The following SYNE1 variants were observed in gnomAD, a reference collection of about 807,000 sequenced individuals.
SYNE1 encodes the protein nesprin-1.
Under a neutral mutation model 1,111.0 loss-of-function variants are expected in SYNE1, and 616 were observed. The ratio of observed to expected loss-of-function variants is 0.55; its 90% CI spans 0.52 to 0.59. SYNE1 has a LOEUF of 0.59. Ranked by LOEUF, SYNE1 falls within the 20% of genes least tolerant of loss-of-function variation. The pLI is 0.00. For missense variants in SYNE1, 10,006 were observed against 10,417.0 expected, an observed-to-expected ratio of 0.96 and a Z score of 1.72; for synonymous variants, 3,855 against 3,825.8, an observed-to-expected ratio of 1.01 and a Z score of -0.28.
chr6:152,317,066 G>A lies in SYNE1; in HGVS notation c.16573-80C>T. ...TATAAATCAGTCTTCTCTCTCTTTG[G>A]ACACAACAGTCTTAGGGGTTGATCA... On this transcript the variant is annotated intron_variant, in intron 86 of 145. Coordinates refer to ENST00000367255, the MANE Select transcript of SYNE1 (RefSeq NM_182961.4). 3 of 1,526,460 alleles carry A rather than the reference G, an allele frequency of 2.0e-6. No homozygotes were observed. The South Asian group carries it at 3.4e-5, about 17-fold the overall frequency. 94.6% of individuals were successfully genotyped at this position (1,526,460 alleles called of 1,614,324 possible).
At position 152,321,418 on chromosome 6, in the gene SYNE1, T is replaced by A. The variant is rs200248734; in HGVS notation, c.16084-28A>T. 1.3e-4 allele frequency: 202 copies of A among 1,612,092 alleles called. No individual in the cohort carries two copies. The African/African-American group carries it at 2.5e-3, about 20-fold the overall frequency. Reference sequence around the variant, plus strand: ...GAAGAAAAGATCAAAATAAGAAATTTCTGGGAACCTTCTAAGGGGACTGTT... The same window carrying A: ...GAAGAAAAGATCAAAATAAGAAATTACTGGGAACCTTCTAAGGGGACTGTT... On this transcript the variant is annotated intron_variant, in intron 83 of 145. Coordinates refer to ENST00000367255, the MANE Select transcript of SYNE1 (RefSeq NM_182961.4).
chr6:152,362,626 G>C (rs1335490450), intron 63 of SYNE1, among the ~76,000 whole-genome samples: 1 of 152,206 alleles, frequency 6.6e-6, no homozygotes, highest in East Asian at 1.9e-4. Flanking sequence ...GCAAAACTGA[G>C]AGAGATCCCC....
At chr6:152,131,612 C>T (rs2055698564) in intron 144 of SYNE1, among the ~76,000 whole-genome samples, 1 of 152,120 alleles carries the variant, frequency 6.6e-6, no homozygotes, top group East Asian at 1.9e-4. Context: ...TGAGTTGTTG[C>T]CATTTTAGGG....
chr6:152,539,900 C>T (rs765204874), intron 4 of SYNE1, 60 bp downstream of exon 4: 3 of 1,536,598 alleles, frequency 2.0e-6, no homozygotes, highest in Admixed American at 1.7e-5. Flanking sequence ...TTATACTGGA[C>T]ATTTAATGAT....
intron 76 of SYNE1, chr6:152,335,979 A>AC (rs764039499): frequency 2.6e-5 from 4 of 151,720 alleles, no homozygotes; most frequent in Non-Finnish European, 5.9e-5. Context: ...GAGCCACCAC[A>AC]CCCGGCCACA....
At chr6:152,456,117 T>C in intron 22 of SYNE1, 73 bp from the exon 23 acceptor site, 1 of 1,506,484 alleles carries the variant, frequency 6.6e-7, no homozygotes, top group Admixed American at 1.8e-5. Context: ...AGAGTGACCA[T>C]TACAGATAAT....
In SYNE1 at chr6:152,447,641, T is replaced by G; in HGVS notation, c.3505-19A>C. 1 of 1,614,106 alleles carries G rather than the reference T, an allele frequency of 6.2e-7. No homozygotes were observed. Among genetic ancestry groups the G allele is most frequent in the Non-Finnish European group, 8.5e-7 (1 of 1,179,986 alleles). ...TGATCTCCTGAAATGAGAGAACACT[T>G]TTGATGAACACAGTGCAATTGTGAA... On this transcript the variant is annotated intron_variant, in intron 28 of 145. Transcript: ENST00000367255.
In SYNE1 at chr6:152,391,333, C is replaced by T; in HGVS notation, c.7948G>A (p.Ala2650Thr). 6.2e-7 allele frequency: 1 copy of T among 1,614,120 alleles called. No homozygotes were observed. Among genetic ancestry groups the T allele is most frequent in the Non-Finnish European group, 8.5e-7 (1 of 1,180,004 alleles). ...VKAIQDRLAC[A>T]ESTLGSKDTL... ...TCTTTGCTCCCAAGAGTGCTCTCTG[C>T]ACAGGCCAGTCTGTCCTGAATGGCC... Residue 2650 changes from alanine (A) to threonine (T), a missense_variant, in exon 52 of 146, where the codon GCA (alanine) becomes ACA (threonine). Coordinates refer to ENST00000367255, the MANE Select transcript of SYNE1 (RefSeq NM_182961.4).
At chr6:152,375,846 C>A (rs1006543956) in intron 58 of SYNE1, among the ~76,000 whole-genome samples, 1 of 152,138 alleles carries the variant, frequency 6.6e-6, no homozygotes, top group Admixed American at 6.5e-5. Context: ...AAATAGTGTG[C>A]ATTTATATAA....
intron 6 of SYNE1, among the ~76,000 whole-genome samples, chr6:152,518,771 AGAGGTATTAGTCT>A (rs1282392771): frequency 6.6e-6 from 1 of 152,130 alleles, no homozygotes; most frequent in East Asian, 1.9e-4. Flanking sequence ...AACTTGAATC[AGAGGTATTAGTCT>A]GAACTAATGT....
At position 152,211,424 on chromosome 6, in the gene SYNE1, T is replaced by A. The variant is rs903944092; in HGVS notation, c.22589+70A>T. On this transcript the variant is annotated intron_variant, in intron 124 of 145. Transcript: ENST00000367255. ...GGAAGATTGGATATATGCCCTCCAA[T>A]CTGCTCATTAAAAAGAAAATGACTA... The A allele has an allele frequency of 6.9e-5, 92 of 1,327,360 alleles. 1 individual carries two copies. Among genetic ancestry groups the A allele is most frequent in the South Asian group, 3.9e-4 (33 of 84,428 alleles). The allele number at this position is 1,327,360 out of a possible 1,614,324, so 82.2% of individuals were successfully genotyped here.
At position 152,399,709 on chromosome 6, in the gene SYNE1, T is replaced by G; in HGVS notation, c.7144A>C (p.Met2382Leu). ...TCATGTTTCTTTATCAGACCAGTCA[T>G]TGCACGGCCCAGGCTCTCCAACTCA... is the stretch of plus-strand genomic sequence containing the variant. ...SAELESLGRA[M>L]TGLIKKHEAV... is the part of the protein sequence containing the mutation. The change falls in exon 48 of 146, where the codon ATG (methionine) becomes CTG (leucine). Residue 2382 changes from methionine (M) to leucine (L), a missense_variant. Physicochemically the swap from Met to Leu is conservative, Grantham distance 15 (BLOSUM62 2). Around this residue, in one of 7 missense-constraint regions of SYNE1, gnomAD observed 4,955 missense variants for 5,017.2 expected, o/e 0.99. Coordinates refer to ENST00000367255, the MANE Select transcript of SYNE1 (RefSeq NM_182961.4). 2.5e-6 allele frequency: 4 copies of G among 1,614,148 alleles called. No homozygotes were observed. Among genetic ancestry groups the G allele is most frequent in the Non-Finnish European group, 3.4e-6 (4 of 1,180,006 alleles).
chr6:152,301,849 G>A lies in SYNE1; in HGVS notation c.17541+20C>T. ...GCTCCAGTCAAAGAGCAAAGCCGCG[G>A]GGACCCACTGGATCCTTACCATGAC... On this transcript the variant is annotated intron_variant, in intron 92 of 145. Coordinates refer to ENST00000367255, the MANE Select transcript of SYNE1 (RefSeq NM_182961.4). 2 of 1,593,902 alleles carry A rather than the reference G, an allele frequency of 1.3e-6. No homozygotes were observed. Among genetic ancestry groups the A allele is most frequent in the Non-Finnish European group, 1.7e-6 (2 of 1,167,488 alleles).
intron 59 of SYNE1, among the ~76,000 whole-genome samples, 154 bp downstream of exon 59, chr6:152,372,883 T>C (rs1364658523): frequency 6.6e-6 from 1 of 152,226 alleles, no homozygotes; most frequent in African/African-American, 2.4e-5. Flanking sequence ...CATTGGGCTA[T>C]TCCTTACTGT....
chr6:152,435,811 T>C, intron 33 of SYNE1, 130 bp downstream of exon 33: 1 of 1,170,110 alleles, frequency 8.5e-7, no homozygotes, highest in Non-Finnish European at 1.2e-6. Flanking sequence ...CTGTGAGTTG[T>C]TTCCTCAAAA....
intron 3 of SYNE1, among the ~76,000 whole-genome samples, chr6:152,574,870 T>C (rs2099490099): frequency 6.6e-6 from 1 of 152,198 alleles, no homozygotes; most frequent in African/African-American, 2.4e-5. Flanking sequence ...GTCAGTTCAC[T>C]CTTAGCTGTT....
chr6:152,488,559 T>A, intron 11 of SYNE1, 56 bp from the exon 12 acceptor site: 5 of 928,052 alleles, frequency 5.4e-6, no homozygotes, highest in Non-Finnish European at 8.7e-6. Context: ...ATTTAATTGC[T>A]GATTAATACT....
chr6:152,128,167 T>C (rs1246095591), intron 145 of SYNE1: 1 of 152,196 alleles, frequency 6.6e-6, no homozygotes, highest in Non-Finnish European at 1.5e-5. Flanking sequence ...GGTTAGAAAA[T>C]TTTAAGTCAA....
At chr6:152,457,735 G>GTCTA (rs969965561) in intron 22 of SYNE1, among the ~76,000 whole-genome samples, 1 of 151,600 alleles carries the variant, frequency 6.6e-6, no homozygotes, top group Non-Finnish European at 1.5e-5. Context: ...CAAATTATCT[G>GTCTA]TCTATCTATC....
Sources: allele counts gnomAD v4.1 joint callset (sites outside exome capture counted in the v4.1 genomes callset), GRCh38; gene constraint gnomAD v4.1.1; regional missense constraint gnomAD v4.1.1; transcripts MANE v1.5; gene names NCBI Gene and HGNC (gene_info 2026-07-23, HGNC 2026-07-21).